The following ENPEP variants were observed in gnomAD, a reference collection of about 807,000 sequenced individuals.
ENPEP encodes AP-A.
A neutral mutation model predicts 114.5 loss-of-function variants in ENPEP; 103 were observed. The ratio of observed to expected loss-of-function variants is 0.90; its 90% CI spans 0.77 to 1.06. ENPEP has a LOEUF of 1.06. Ranked by LOEUF, ENPEP falls within the 50% of genes least tolerant of loss-of-function variation. The pLI is 0.00. For missense variants in ENPEP, 1,196 were observed against 1,161.3 expected, an observed-to-expected ratio of 1.03 and a Z score of -0.43; for synonymous variants, 420 against 422.0, an observed-to-expected ratio of 1.00 and a Z score of 0.06.
rs751333100 is a variant in ENPEP at position 110,520,272 on chromosome 4, C to G, written c.1633C>G (p.Pro545Ala). 67 of 1,613,782 alleles carry G rather than the reference C, an allele frequency of 4.2e-5. No homozygotes were observed. The highest frequency in any genetic ancestry group is 2.3e-4 in the South Asian group (21 of 91,076). The change falls in exon 10 of 20, where the codon CCT becomes GCT. Residue 545 changes from proline to alanine, a missense_variant. Physicochemically the swap from Pro to Ala is conservative, Grantham distance 27. Transcript: ENST00000265162. Reference protein sequence around the residue: ...MDTWTRQMGYPVLNVNGVKNI... With the variant: ...MDTWTRQMGYAVLNVNGVKNI... Reference sequence around the variant, plus strand: ...CACCTGGACCAGACAGATGGGTTATCCTGTGCTTAACGTGAACGGTGTCAA... The same window carrying G: ...CACCTGGACCAGACAGATGGGTTATGCTGTGCTTAACGTGAACGGTGTCAA...
intron 11 of ENPEP, among the ~76,000 whole-genome samples, chr4:110,533,911 G>C (rs1726507472): frequency 6.6e-6 from 1 of 152,170 alleles, no homozygotes; most frequent in South Asian, 2.1e-4. Flanking sequence ...AAATGAAGAG[G>C]CTGATAGTTA....
chr4:110,521,215 A>G (rs1277760692), intron 10 of ENPEP, among the ~76,000 whole-genome samples: 1 of 152,084 alleles, frequency 6.6e-6, no homozygotes, highest in East Asian at 1.9e-4. Context: ...AAAAATTTTT[A>G]AAAAGGCACT....
chr4:110,522,019 C>T (rs922160182), intron 10 of ENPEP, among the ~76,000 whole-genome samples: 2 of 151,910 alleles, frequency 1.3e-5, no homozygotes, highest in African/African-American at 2.4e-5. Context: ...GCTGGGATTA[C>T]AGGTGCATGC....
chr4:110,553,952 A>C (rs896424748), intron 18 of ENPEP, among the ~76,000 whole-genome samples: 2 of 152,008 alleles, frequency 1.3e-5, no homozygotes, highest in African/African-American at 4.8e-5. Flanking sequence ...TATATTTCCT[A>C]GGCAATAGAA....
intron 10 of ENPEP, among the ~76,000 whole-genome samples, chr4:110,527,787 A>G (rs1726252426): frequency 6.6e-6 from 1 of 152,238 alleles, no homozygotes; most frequent in Non-Finnish European, 1.5e-5. Context: ...TTACACTGGG[A>G]AAATTTCCCA....
chr4:110,508,581 G>A (rs1385479484), intron 4 of ENPEP, among the ~76,000 whole-genome samples: 1 of 152,220 alleles, frequency 6.6e-6, no homozygotes, highest in Non-Finnish European at 1.5e-5. Context: ...GGAGGCCGAG[G>A]CGGGTGGATC....
intron 11 of ENPEP, among the ~76,000 whole-genome samples, chr4:110,537,168 G>A (rs1395661196): frequency 6.6e-6 from 1 of 152,074 alleles, no homozygotes; most frequent in African/African-American, 2.4e-5. Flanking sequence ...GGGTGGCTGT[G>A]GCAATTTCTT....
intron 6 of ENPEP, among the ~76,000 whole-genome samples, chr4:110,512,118 A>G (rs1384173745): frequency 2.0e-5 from 3 of 152,242 alleles, no homozygotes; most frequent in African/African-American, 7.2e-5. Context: ...ATAATGAATA[A>G]AATACACTTC....
chr4:110,559,368 T>A (rs1255433151), intron 18 of ENPEP, among the ~76,000 whole-genome samples: 1 of 151,044 alleles, frequency 6.6e-6, no homozygotes, highest in Non-Finnish European at 1.5e-5. Flanking sequence ...AGGGCGCTCA[T>A]GTGTGCAGAA....
chr4:110,559,836 T>C, intron 19 of ENPEP, 111 bp downstream of exon 19: 1 of 800,804 alleles, frequency 1.2e-6, no homozygotes, highest in Non-Finnish European at 2.1e-6. Flanking sequence ...GCAGGTTTGT[T>C]ACGTAGGTAT....
intron 5 of ENPEP, 66 bp from the exon 6 acceptor site, chr4:110,510,179 C>T (rs192501519): frequency 7.5e-7 from 1 of 1,330,986 alleles, no homozygotes; most frequent in Non-Finnish European, 1.1e-6. Context: ...AATGTTTTGA[C>T]ATTTTCTAGG....
At position 110,510,229 on chromosome 4, in the gene ENPEP, T is replaced by C; in HGVS notation, c.1195-16T>C. ...CCATAAGAATGTAATTATCTCTTTA[T>C]TGCTTATAATTTCAGTGGTTTGGAA... On this transcript the variant is annotated splice_polypyrimidine_tract_variant and intron_variant, in intron 5 of 19. Coordinates refer to ENST00000265162, the MANE Select transcript of ENPEP (RefSeq NM_001977.4). 6.3e-7 allele frequency: 1 copy of C among 1,591,638 alleles called. No individual in the cohort carries two copies. The highest frequency in any genetic ancestry group is 8.6e-7 in the Non-Finnish European group (1 of 1,159,582).
At chr4:110,513,271 T>C (rs529447419) in intron 6 of ENPEP, 144 bp from the exon 7 acceptor site, 108 of 856,716 alleles carry the variant, frequency 1.3e-4, no homozygotes, top group South Asian at 1.1e-3. Context: ...CAGTGCAAAG[T>C]ATGATTAATT....
In ENPEP at chr4:110,549,881, G is replaced by C; in HGVS notation, c.2496G>C (p.Leu832Phe). The C allele has an allele frequency of 6.2e-7, 1 of 1,607,432 alleles. No homozygotes were observed. Among genetic ancestry groups the C allele is most frequent in the African/African-American group, 1.3e-5 (1 of 74,400 alleles). Residue 832 changes from leucine to phenylalanine, a missense_variant, in exon 17 of 20, where the codon TTG becomes TTC. Coordinates refer to ENST00000265162, the MANE Select transcript of ENPEP (RefSeq NM_001977.4). The part of the protein sequence containing the change: ...GLASVKNVTL[L>F]SRYLDLLKDT... Reference sequence around the variant, plus strand: ...CATCAGTGAAGAACGTTACTCTTTTGTCAAGGTAAGTTGGGCTTTTATTTC... The same window carrying C: ...CATCAGTGAAGAACGTTACTCTTTTCTCAAGGTAAGTTGGGCTTTTATTTC...
intron 1 of ENPEP, among the ~76,000 whole-genome samples, chr4:110,486,775 A>T (rs1238955206): frequency 6.6e-6 from 1 of 152,196 alleles, no homozygotes; most frequent in African/African-American, 2.4e-5. Context: ...CCCGCTGCCT[A>T]GACAGAGCCG....
At chr4:110,506,609 A>C in intron 3 of ENPEP, 28 bp from the exon 4 acceptor site, 2 of 1,573,620 alleles carry the variant, frequency 1.3e-6, no homozygotes, top group Non-Finnish European at 1.7e-6. Context: ...AATAATTTTC[A>C]CTGAATTTTT....
intron 8 of ENPEP, among the ~76,000 whole-genome samples, chr4:110,519,716 C>T (rs1725910169): frequency 6.6e-6 from 1 of 151,856 alleles, no homozygotes; most frequent in African/African-American, 2.4e-5. Context: ...TGTCTGCTGG[C>T]CAAATCTGGC....
chr4:110,487,055 G>T (rs1485127360), intron 1 of ENPEP, among the ~76,000 whole-genome samples: 2 of 152,146 alleles, frequency 1.3e-5, no homozygotes, highest in African/African-American at 4.8e-5. Flanking sequence ...CCAGATACTG[G>T]TCTGGGTGGT....
intron 17 of ENPEP, among the ~76,000 whole-genome samples, chr4:110,551,371 A>T (rs1399759459): frequency 6.6e-6 from 1 of 152,146 alleles, no homozygotes; most frequent in African/African-American, 2.4e-5. Context: ...ACAGAAAAAG[A>T]TTATTTTAGT....
Sources: gnomAD v4.1 joint callset for allele counts (sites outside exome capture counted in the v4.1 genomes callset) on GRCh38, gnomAD v4.1.1 for gene constraint, MANE v1.5 for transcripts, NCBI Gene and HGNC (gene_info 2026-07-23, HGNC 2026-07-21) for gene names.